KNTC1: variants seen among roughly 807,000 people sequenced by gnomAD.
The protein encoded by KNTC1 is kinetochore associated 1.
A neutral mutation model predicts 314.4 loss-of-function variants in KNTC1; 253 were observed. The observed-to-expected ratio is 0.80, with a 90% CI of 0.73 to 0.89. The LOEUF is 0.89. Among genes scored for constraint, KNTC1 ranks in the 40% least tolerant of loss-of-function variants. The probability of loss-of-function intolerance (pLI) is 0.00; values close to 1 mark genes in which losing one functional copy is unlikely to be tolerated. For missense variants in KNTC1, 2,475 were observed against 2,572.9 expected (o/e 0.96, Z 0.82); for synonymous variants, 901 against 901.4 (o/e 1.00, Z 0.01).
chr12:122,607,293 G>A (rs1418538084), intron 51 of KNTC1, among the ~76,000 whole-genome samples: 2 of 152,064 alleles, frequency 1.3e-5, no homozygotes, highest in African/African-American at 4.8e-5. Flanking sequence ...CGAACTCCTG[G>A]CCTCATATGT....
intron 5 of KNTC1, among the ~76,000 whole-genome samples, chr12:122,541,839 T>G (rs950669645): frequency 6.6e-6 from 1 of 150,760 alleles, no homozygotes; most frequent in Non-Finnish European, 1.5e-5. Flanking sequence ...GCCAACATGG[T>G]GAAACCCTGT....
intron 40 of KNTC1, among the ~76,000 whole-genome samples, 169 bp downstream of exon 40, chr12:122,588,985 G>T (rs1222319540): frequency 6.6e-6 from 1 of 152,012 alleles, no homozygotes; most frequent in Non-Finnish European, 1.5e-5. Context: ...TATGGTAATT[G>T]ACATGCTATA....
In KNTC1 at chr12:122,588,775, G is replaced by A; in HGVS notation, c.3958G>A (p.Val1320Ile). The A allele has an allele frequency of 1.9e-6, 3 of 1,566,036 alleles. No individual in the cohort carries two copies. The highest frequency in any genetic ancestry group is 2.6e-6 in the Non-Finnish European group (3 of 1,155,010). Residue 1320 changes from valine (V) to isoleucine (I), a missense_variant, in exon 40 of 64, where the codon GTT (valine) becomes ATT (isoleucine). Coordinates refer to ENST00000333479, the MANE Select transcript of KNTC1 (RefSeq NM_014708.6). ...HVVMELKEKA[V>I]IFIRENATTL... is the part of the protein sequence containing the mutation. ...TGTTATGGAATTGAAAGAAAAAGCTGTTATATTTATCAGGGAAAATGCTAC... is the reference window on the plus strand; with the variant it reads ...TGTTATGGAATTGAAAGAAAAAGCTATTATATTTATCAGGGAAAATGCTAC...
At chr12:122,567,715 G>A (rs1398430655) in intron 20 of KNTC1, among the ~76,000 whole-genome samples, 1 of 152,102 alleles carries the variant, frequency 6.6e-6, no homozygotes, top group African/African-American at 2.4e-5. Context: ...GTGCATGCCT[G>A]TAATCCCAGC....
rs1872145861 is a variant in KNTC1, at chr12:122,603,034, T to C, written c.4892T>C (p.Leu1631Pro). The change falls in exon 48 of 64, where the codon CTG (leucine) becomes CCG (proline). Residue 1631 changes from leucine to proline, a missense_variant. Coordinates refer to ENST00000333479, the MANE Select transcript of KNTC1 (RefSeq NM_014708.6). The stretch of plus-strand genomic sequence containing the variant: ...CCTTCCTTTTCTTTGAAGTTCTCTC[T>C]GGACACTCTGTACGTGTCTACAGCA... ...LLISKLMKFS[L>P]DTLYVSTAKH... 2 of 1,613,350 alleles carry C rather than the reference T, an allele frequency of 1.2e-6. No homozygotes were observed. Among genetic ancestry groups the C allele is most frequent in the South Asian group, 2.2e-5 (2 of 91,046 alleles).
intron 31 of KNTC1, among the ~76,000 whole-genome samples, chr12:122,578,610 G>A (rs949554374): frequency 4.0e-5 from 6 of 151,486 alleles, no homozygotes; most frequent in South Asian, 2.1e-4. Context: ...TACTAGAGAC[G>A]GGTTTCACCA....
intron 33 of KNTC1, among the ~76,000 whole-genome samples, chr12:122,582,279 G>A (rs1370996514): frequency 3.9e-5 from 6 of 152,112 alleles, no homozygotes; most frequent in South Asian, 4.1e-4. Context: ...TTAGCTGGGC[G>A]TGGTGATGCG....
At chr12:122,606,024 TGTTTG>T (rs1872548313) in intron 51 of KNTC1, among the ~76,000 whole-genome samples, 2 of 145,670 alleles carry the variant, frequency 1.4e-5, no homozygotes, top group African/African-American at 2.5e-5. Context: ...TTGTTTTTTT[TGTTTG>T]TTTGTTTGTT....
chr12:122,625,905 A>C (rs1248976013), intron 63 of KNTC1, among the ~76,000 whole-genome samples: 1 of 152,158 alleles, frequency 6.6e-6, no homozygotes, highest in East Asian at 1.9e-4. Context: ...CCTTTGGTCC[A>C]GATCAGGCAT....
chr12:122,538,865 A>G (rs1378986336), intron 4 of KNTC1, among the ~76,000 whole-genome samples: 2 of 152,194 alleles, frequency 1.3e-5, no homozygotes, highest in South Asian at 4.1e-4. Context: ...ATCCTTTTTC[A>G]TGTGTTGTAT....
chr12:122,589,104 A>G (rs1269975966), intron 40 of KNTC1, among the ~76,000 whole-genome samples: 1 of 151,952 alleles, frequency 6.6e-6, no homozygotes, highest in Non-Finnish European at 1.5e-5. Context: ...TCTGTCACCC[A>G]GGCTGGAGTG....
chr12:122,618,517 T>G lies in KNTC1; in HGVS notation c.6121T>G (p.Cys2041Gly), dbSNP rs989486439. Reference protein sequence around the residue: ...CPLSPDQLSDCSESLIAVLEC... With the variant: ...CPLSPDQLSDGSESLIAVLEC... ...TTTAAGTCCTGATCAGCTGTCAGAT[T>G]GTTCTGAGAGTCTCATCGCTGTCCT... The change falls in exon 59 of 64, where the codon TGT becomes GGT. Residue 2041 changes from cysteine to glycine, a missense_variant. Physicochemically the swap from Cys to Gly is radical, Grantham distance 159. Coordinates refer to ENST00000333479, the MANE Select transcript of KNTC1 (RefSeq NM_014708.6). 1 of 1,612,524 alleles carries G rather than the reference T, an allele frequency of 6.2e-7. No homozygotes were observed.
chr12:122,529,841 A>G, intron 1 of KNTC1, 150 bp from the exon 2 acceptor site: 2 of 386,752 alleles, frequency 5.2e-6, no homozygotes, highest in Non-Finnish European at 9.4e-6. Flanking sequence ...TCATAGCTCT[A>G]GTTCCATTTA....
In KNTC1 at chr12:122,555,934, A is replaced by G. The variant is rs1468139040; in HGVS notation, c.1273-1450A>G. Among the ~76,000 whole-genome samples, 5 of 152,344 alleles carry G rather than the reference A, an allele frequency of 3.3e-5. No individual in the cohort carries two copies. The South Asian group carries it at 1.0e-3, about 32-fold the overall frequency. ...TGATTTTATACATTTACATTGTGCA[A>G]TGATTAAATCAAGCTAATTAACATA... On this transcript the variant is annotated intron_variant, in intron 16 of 63. Transcript: ENST00000333479.
At position 122,605,060 on chromosome 12, in the gene KNTC1, C is replaced by T; in HGVS notation, c.5359C>T (p.Gln1787Ter). The T allele has an allele frequency of 6.2e-7, 1 of 1,611,746 alleles. No individual in the cohort carries two copies. Among genetic ancestry groups the T allele is most frequent in the South Asian group, 1.1e-5 (1 of 90,458 alleles). The change falls in exon 50 of 64, where the codon CAG becomes TAG. Residue 1787 changes from glutamine (Q) to a stop codon, truncating the protein, a stop_gained. Transcript: ENST00000333479. LOFTEE classifies it high-confidence loss of function. ...ACATCCTAGCATCAATCAAAGAATT[C>T]AGAATTCATCTGGCACAGATTATCC... ...YEHPSINQRI[Q>*]NSSGTDYPDI...
chr12:122,538,295 A>G, intron 3 of KNTC1, 44 bp from the exon 4 acceptor site: 1 of 1,122,330 alleles, frequency 8.9e-7, no homozygotes, highest in East Asian at 2.6e-5. Context: ...ATTGAAAATA[A>G]AGATTTTCGA....
At chr12:122,546,147 C>G in intron 8 of KNTC1, 29 bp from the exon 9 acceptor site, 1 of 1,361,452 alleles carries the variant, frequency 7.3e-7, no homozygotes, top group Non-Finnish European at 1.1e-6. Flanking sequence ...ATGAAATTTG[C>G]ATTTTAAGTA....
At chr12:122,579,789 C>CA in intron 31 of KNTC1, 116 bp from the exon 32 acceptor site, 1 of 688,646 alleles carries the variant, frequency 1.5e-6, no homozygotes, top group Non-Finnish European at 2.5e-6. Context: ...CTCAGCTGCC[C>CA]AACTCCTCCA....
At position 122,571,090 on chromosome 12, in the gene KNTC1, G is replaced by C; in HGVS notation, c.1983G>C (p.Glu661Asp). 1 of 1,613,688 alleles carries C rather than the reference G, an allele frequency of 6.2e-7. No individual in the cohort carries two copies. The highest frequency in any genetic ancestry group is 8.5e-7 in the Non-Finnish European group (1 of 1,179,692). Reference protein sequence around the residue: ...EIFFTAEKTDELGLASSWHWI... With the variant: ...EIFFTAEKTDDLGLASSWHWI... ...TTTTTACAGCAGAAAAAACAGACGAGTTGGGATTGGCATCTTCCTGGCATT... is the reference window on the plus strand; with the variant it reads ...TTTTTACAGCAGAAAAAACAGACGACTTGGGATTGGCATCTTCCTGGCATT... The change falls in exon 24 of 64, where the codon GAG becomes GAC. Residue 661 changes from glutamate to aspartate, a missense_variant. Coordinates refer to ENST00000333479, the MANE Select transcript of KNTC1 (RefSeq NM_014708.6).
Sources: allele counts gnomAD v4.1 joint callset (sites outside exome capture counted in the v4.1 genomes callset), GRCh38; gene constraint gnomAD v4.1.1; transcripts MANE v1.5; gene names NCBI Gene and HGNC (gene_info 2026-07-23, HGNC 2026-07-21).